UVRAG: variants seen among roughly 807,000 people sequenced by gnomAD.
UVRAG encodes the protein UV radiation resistance-associated gene protein.
UVRAG carries 19 observed loss-of-function variants against 78.0 expected under a neutral mutation model. The observed-to-expected ratio is 0.24, with a 90% confidence interval of 0.17 to 0.36. UVRAG has a LOEUF of 0.36. Among genes scored for constraint, UVRAG ranks in the 10% least tolerant of loss-of-function variants. The pLI, the probability that UVRAG is intolerant of heterozygous loss-of-function variation, is 1.00. For missense variants in UVRAG, 740 were observed against 853.8 expected, an observed-to-expected ratio of 0.87 and a Z score of 1.66; for synonymous variants, 323 against 324.6, an observed-to-expected ratio of 1.00 and a Z score of 0.05.
At chr11:75,997,405 C>A (rs545456549) in intron 8 of UVRAG, among the ~76,000 whole-genome samples, 16 of 152,348 alleles carry the variant, frequency 1.1e-4, no homozygotes, top group Admixed American at 6.5e-4. Context: ...TGACATTTTG[C>A]TGTTAAAATT....
intron 12 of UVRAG, among the ~76,000 whole-genome samples, chr11:76,052,821 A>G: frequency 6.6e-6 from 1 of 151,906 alleles, no homozygotes; most frequent in Non-Finnish European, 1.5e-5. Context: ...AGGCCATCTC[A>G]TTCATACCTA....
Position 76,007,993 on chromosome 11 carries a change from C to G in UVRAG, c.999+372C>G, listed in dbSNP as rs146502773. 5.6e-3 allele frequency among the ~76,000 whole-genome samples: 853 copies of G among 152,116 alleles called. 9 individuals are homozygous for G. The highest frequency in any genetic ancestry group is 0.019 in the African/African-American group (794 of 41,484). On this transcript the variant is annotated intron_variant, in intron 10 of 14. Transcript: ENST00000356136. ...TGCGATCTTGGCTCACTGCAAGCTC[C>G]CCTTCCCGGGTTCACGCCATTCTCC...
chr11:75,884,560 C>G (rs1947035736), intron 4 of UVRAG, among the ~76,000 whole-genome samples: 1 of 152,030 alleles, frequency 6.6e-6, no homozygotes, highest in African/African-American at 2.4e-5. Flanking sequence ...TTAGGTTTTA[C>G]ATTTACATCA....
At chr11:75,973,625 G>T (rs1219037205) in intron 7 of UVRAG, among the ~76,000 whole-genome samples, 1 of 152,048 alleles carries the variant, frequency 6.6e-6, no homozygotes, top group Non-Finnish European at 1.5e-5. Flanking sequence ...TGTTACATAT[G>T]TATACATGTG....
chr11:76,066,021 A>G (rs1457722575), intron 13 of UVRAG, among the ~76,000 whole-genome samples: 1 of 152,128 alleles, frequency 6.6e-6, no homozygotes, highest in Non-Finnish European at 1.5e-5. Context: ...TAAACTCAGA[A>G]TCTTTTTTTG....
intron 4 of UVRAG, among the ~76,000 whole-genome samples, chr11:75,884,041 G>T (rs896542906): frequency 3.9e-5 from 6 of 152,152 alleles, no homozygotes; most frequent in African/African-American, 1.4e-4. Context: ...ATAACATCCT[G>T]CATTCCCATC....
At chr11:76,136,509 CTTTT>C (rs200388478) in intron 14 of UVRAG, among the ~76,000 whole-genome samples, 4 of 136,088 alleles carry the variant, frequency 2.9e-5, no homozygotes, top group Non-Finnish European at 3.2e-5. Flanking sequence ...TTCTTGTTTC[CTTTT>C]TTTTTTTTTT....
At chr11:76,006,108 A>G (rs1314238668) in intron 9 of UVRAG, among the ~76,000 whole-genome samples, 1 of 152,180 alleles carries the variant, frequency 6.6e-6, no homozygotes, top group African/African-American at 2.4e-5. Flanking sequence ...GCCTTAAGTC[A>G]TCTCATAGCA....
At chr11:75,864,076 G>A (rs1371514425) in intron 3 of UVRAG, among the ~76,000 whole-genome samples, 1 of 69,606 alleles carries the variant, frequency 1.4e-5, no homozygotes, top group Admixed American at 1.6e-4. Flanking sequence ...TTTTTTTTTT[G>A]AGACAGGGTC....
intron 14 of UVRAG, among the ~76,000 whole-genome samples, chr11:76,129,533 C>T (rs939136993): frequency 2.6e-5 from 4 of 152,094 alleles, no homozygotes; most frequent in African/African-American, 9.7e-5. Flanking sequence ...TTCTAAGTGC[C>T]CATGCGTTTT....
At chr11:76,086,978 T>G (rs1436573071) in intron 13 of UVRAG, among the ~76,000 whole-genome samples, 1 of 152,248 alleles carries the variant, frequency 6.6e-6, no homozygotes, top group Non-Finnish European at 1.5e-5. Flanking sequence ...TTTTTATTGA[T>G]GTAATTTAAC....
At chr11:76,036,775 GAC>G (rs1263563641) in intron 12 of UVRAG, among the ~76,000 whole-genome samples, 3 of 151,178 alleles carry the variant, frequency 2.0e-5, no homozygotes, top group African/African-American at 7.3e-5. Context: ...AAAAAAAGGA[GAC>G]ACATGTGCCA....
At chr11:76,037,626 C>A (rs1950560426) in intron 12 of UVRAG, among the ~76,000 whole-genome samples, 1 of 151,312 alleles carries the variant, frequency 6.6e-6, no homozygotes, top group Non-Finnish European at 1.5e-5. Context: ...GTGGGAGAAT[C>A]ACTTGAGCCT....
intron 1 of UVRAG, among the ~76,000 whole-genome samples, chr11:75,841,223 A>G (rs1324765504): frequency 1.3e-5 from 2 of 152,220 alleles, no homozygotes; most frequent in Non-Finnish European, 2.9e-5. Flanking sequence ...GCTTGACTAC[A>G]TTTCCAAAGG....
intron 11 of UVRAG, among the ~76,000 whole-genome samples, chr11:76,013,625 AAC>A (rs1950094160): frequency 6.6e-6 from 1 of 152,130 alleles, no homozygotes; most frequent in African/African-American, 2.4e-5. Context: ...GGAAACCTTA[AAC>A]CTTTTGGTTT....
At chr11:75,830,091 C>T (rs568040796) in intron 1 of UVRAG, among the ~76,000 whole-genome samples, 8 of 152,184 alleles carry the variant, frequency 5.3e-5, no homozygotes, top group East Asian at 1.9e-4. Flanking sequence ...CTGCCTGCCT[C>T]GTCTTCCCAA....
At chr11:75,868,631 CTCT>C in intron 3 of UVRAG, among the ~76,000 whole-genome samples, 1 of 152,188 alleles carries the variant, frequency 6.6e-6, no homozygotes, top group Non-Finnish European at 1.5e-5. Flanking sequence ...TCCATATCAT[CTCT>C]TCTTGTGTTC....
At chr11:75,881,659 C>T (rs1946947889) in intron 4 of UVRAG, among the ~76,000 whole-genome samples, 1 of 152,284 alleles carries the variant, frequency 6.6e-6, no homozygotes, top group East Asian at 1.9e-4. Flanking sequence ...TCAAGCAGTC[C>T]TCCTGCCTTG....
chr11:76,012,278 A>G (rs1591131093), intron 11 of UVRAG, among the ~76,000 whole-genome samples: 2 of 152,046 alleles, frequency 1.3e-5, no homozygotes, highest in East Asian at 3.9e-4. Context: ...GTGAGAATTA[A>G]TTCCATCTGT....
Sources: allele counts gnomAD v4.1 joint callset (sites outside exome capture counted in the v4.1 genomes callset), GRCh38; gene constraint gnomAD v4.1.1; transcripts MANE v1.5; gene names NCBI Gene and HGNC (gene_info 2026-07-23, HGNC 2026-07-21).